The following FRMPD4 variants were observed in gnomAD, a reference collection of about 807,000 sequenced individuals.
FRMPD4 encodes FERM and PDZ domain-containing protein 4.
A neutral mutation model predicts 94.1 loss-of-function variants in FRMPD4; 22 were observed. The ratio of observed to expected loss-of-function variants is 0.23; its 90% CI spans 0.17 to 0.33. The LOEUF is 0.33. Among genes scored for constraint, FRMPD4 ranks in the 10% least tolerant of loss-of-function variants. The probability of loss-of-function intolerance (pLI) is 1.00; values close to 1 mark genes in which losing one functional copy is unlikely to be tolerated. For synonymous variants in FRMPD4, 631 were observed against 548.6 expected (o/e 1.15, Z -2.10); for missense variants, 1,111 against 1,339.9 (o/e 0.83, Z 2.67).
At position 12,035,804 on chromosome X, in the gene FRMPD4, T is replaced by C. The variant is rs778241387; in HGVS notation, c.95+157786T>C. 6.3e-5 allele frequency among the ~76,000 whole-genome samples: 7 copies of C among 111,590 alleles called. No homozygotes were observed. In the South Asian group the frequency reaches 2.7e-3, roughly 42 times the overall value. ...GCTACAGGAAAAAAATCATAGGTAA[T>C]TTCTGAAGAGCCTTTCTATCAACTT... is the stretch of plus-strand genomic sequence containing the variant. On this transcript the variant is annotated intron_variant, in intron 3 of 18. Coordinates refer to the FRMPD4 transcript ENST00000640291.
At chrX:12,627,820 CAT>C (rs2059360232) in intron 4 of FRMPD4, among the ~76,000 whole-genome samples, 1 of 111,856 alleles carries the variant, frequency 8.9e-6, no homozygotes, top group South Asian at 3.7e-4. Context: ...TCAATGATCT[CAT>C]ATGGTTGACA....
At chrX:11,884,789 A>G (rs1426334232) in intron 3 of FRMPD4, among the ~76,000 whole-genome samples, 3 of 111,921 alleles carry the variant, frequency 2.7e-5, no homozygotes, top group Non-Finnish European at 5.6e-5. Flanking sequence ...TTTTTAAAAT[A>G]CTGGCGTGAA....
intron 3 of FRMPD4, among the ~76,000 whole-genome samples, chrX:12,054,115 C>G (rs1428262450): frequency 9.0e-6 from 1 of 111,692 alleles, no homozygotes; most frequent in Non-Finnish European, 1.9e-5. Context: ...AGTCAAAACC[C>G]TTCCTAGGTT....
At chrX:12,209,835 G>A (rs1831849602) in intron 1 of FRMPD4, among the ~76,000 whole-genome samples, 1 of 111,494 alleles carries the variant, frequency 9.0e-6, no homozygotes, top group African/African-American at 3.3e-5. Flanking sequence ...TTTTCTCATT[G>A]CTCTCAACTG....
chrX:11,844,892 A>G (rs1406646267), intron 1 of FRMPD4, among the ~76,000 whole-genome samples: 3 of 111,724 alleles, frequency 2.7e-5, no homozygotes, highest in Non-Finnish European at 3.8e-5. Context: ...TTATTCTTCA[A>G]TCTTTTTTAC....
chrX:12,570,801 A>C (rs1362439022), intron 2 of FRMPD4, among the ~76,000 whole-genome samples: 3 of 111,072 alleles, frequency 2.7e-5, no homozygotes, highest in African/African-American at 9.8e-5. Context: ...AGGGGCAGGG[A>C]GTGTATACAG....
At chrX:11,935,471 T>A (rs2054153835) in intron 3 of FRMPD4, among the ~76,000 whole-genome samples, 1 of 9,039 alleles carries the variant, frequency 1.1e-4, no homozygotes, top group African/African-American at 3.3e-4. Context: ...AGTGTGATAT[T>A]CCCCTTCCTG....
intron 1 of FRMPD4, among the ~76,000 whole-genome samples, chrX:12,317,612 AC>A (rs372493527): frequency 1.4e-4 from 15 of 104,780 alleles, no homozygotes; most frequent in Middle Eastern, 4.9e-3. Flanking sequence ...AACAAAAAAA[AC>A]AAAAACCCAA....
intron 3 of FRMPD4, among the ~76,000 whole-genome samples, chrX:12,126,543 A>G (rs2082901664): frequency 1.8e-5 from 2 of 111,377 alleles, no homozygotes; most frequent in Non-Finnish European, 3.8e-5. Flanking sequence ...CATCACAGGC[A>G]GACTGGACTG....
chrX:11,919,256 C>T (rs1050246349), intron 3 of FRMPD4, among the ~76,000 whole-genome samples: 7 of 112,636 alleles, frequency 6.2e-5, no homozygotes, highest in South Asian at 3.7e-4. Flanking sequence ...TCAGCATTGT[C>T]TAATACCCCC....
At chrX:12,248,179 C>G (rs1444879191) in intron 1 of FRMPD4, among the ~76,000 whole-genome samples, 1 of 112,465 alleles carries the variant, frequency 8.9e-6, no homozygotes, top group Non-Finnish European at 1.9e-5. Context: ...ACAATTCCAG[C>G]TGCTGACAGT....
At chrX:12,089,753 G>C (rs1402679472) in intron 3 of FRMPD4, among the ~76,000 whole-genome samples, 1 of 112,014 alleles carries the variant, frequency 8.9e-6, no homozygotes, top group Non-Finnish European at 1.9e-5. Flanking sequence ...TAGATGGATA[G>C]TGTCAACCAA....
Position 12,559,680 on chromosome X carries a change from T to C in FRMPD4, c.159-50041T>C, listed in dbSNP as rs929704261. On this transcript the variant is annotated intron_variant, in intron 2 of 16. Coordinates refer to ENST00000675598, the MANE Select transcript of FRMPD4 (RefSeq NM_001368397.1). ...AAAAAAAAAACAAAAAAAACTCTTATTGGAGAAAGAATCAACCTTCCTTAA... is the reference window on the plus strand; with the variant it reads ...AAAAAAAAAACAAAAAAAACTCTTACTGGAGAAAGAATCAACCTTCCTTAA... 2.7e-5 allele frequency among the ~76,000 whole-genome samples: 3 copies of C among 109,541 alleles called. No individual in the cohort carries two copies. The East Asian group carries it at 8.4e-4, about 31-fold the overall frequency.
chrX:11,828,039 A>T (rs1337027890), intron 1 of FRMPD4, among the ~76,000 whole-genome samples: 3 of 111,738 alleles, frequency 2.7e-5, no homozygotes, highest in Non-Finnish European at 3.8e-5. Flanking sequence ...ATTCTCAAAC[A>T]TGAAGAAGGG....
At chrX:12,476,345 T>C in intron 1 of FRMPD4, among the ~76,000 whole-genome samples, 1 of 111,864 alleles carries the variant, frequency 8.9e-6, no homozygotes, top group Non-Finnish European at 1.9e-5. Context: ...ATGTTAGACC[T>C]AAAACCATAA....
In FRMPD4 at chrX:12,645,314, A is replaced by ACTATGCAT. The variant is rs753057341; in HGVS notation, c.423-29547_423-29540dup. ...CTGCTTTTCATGCATAGTATCTCAT[A>ACTATGCAT]CTATGCATCAGGTAGTTTTTAACAC... is the stretch of plus-strand genomic sequence containing the variant. On this transcript the variant is annotated intron_variant, in intron 4 of 16. Transcript: ENST00000675598. Among the ~76,000 whole-genome samples the ACTATGCAT allele has an allele frequency of 6.5e-3, 650 of 99,987 alleles. 4 individuals are homozygous for ACTATGCAT. The highest frequency in any genetic ancestry group is 0.011 in the Non-Finnish European group (526 of 49,587). The allele number at this position is 99,987 out of a possible 115,157, so 86.8% of individuals were successfully genotyped here. A position where few individuals can be genotyped will look rare whatever the true frequency, so the allele number is the denominator to read the frequency against.
chrX:12,175,659 G>A (rs971570561), intron 1 of FRMPD4, among the ~76,000 whole-genome samples: 10 of 111,730 alleles, frequency 9.0e-5, no homozygotes, highest in African/African-American at 2.9e-4. Flanking sequence ...GATTATAGGC[G>A]CCTGCCATCA....
At chrX:12,121,323 G>T (rs1196478274) in intron 3 of FRMPD4, among the ~76,000 whole-genome samples, 1 of 110,042 alleles carries the variant, frequency 9.1e-6, no homozygotes, top group Non-Finnish European at 1.9e-5. Flanking sequence ...ATTTTTTTTT[G>T]AAATATATTT....
intron 2 of FRMPD4, among the ~76,000 whole-genome samples, chrX:12,608,220 T>C (rs2059149315): frequency 8.9e-6 from 1 of 112,777 alleles, no homozygotes; most frequent in Non-Finnish European, 1.9e-5. Context: ...TCAAGAGTCA[T>C]GGGAGTGAGT....
Sources: allele counts gnomAD v4.1 joint callset (sites outside exome capture counted in the v4.1 genomes callset), GRCh38; gene constraint gnomAD v4.1.1; transcripts MANE v1.5; gene names NCBI Gene and HGNC (gene_info 2026-07-23, HGNC 2026-07-21).